Variants in MEOX2 observed in about 807,000 individuals in gnomAD.
The protein encoded by MEOX2 is homeobox protein MOX-2.
In MEOX2, 11 loss-of-function variants were observed where a neutral mutation model predicts 27.0. The ratio of observed to expected loss-of-function variants is 0.41; its 90% CI spans 0.26 to 0.68. MEOX2 has a LOEUF of 0.68. MEOX2 is among the 30% of genes least tolerant of loss of function. The pLI, the probability that MEOX2 is intolerant of heterozygous loss-of-function variation, is 0.33. For synonymous variants in MEOX2, 189 were observed against 155.4 expected, an observed-to-expected ratio of 1.22 and a Z score of -1.61; for missense variants, 436 against 385.4, an observed-to-expected ratio of 1.13 and a Z score of -1.10.
At chr7:15,651,929 A>G (rs1007874057) in intron 1 of MEOX2, among the ~76,000 whole-genome samples, 5 of 152,030 alleles carry the variant, frequency 3.3e-5, no homozygotes, top group Non-Finnish European at 7.4e-5. Flanking sequence ...CACTTCCCCA[A>G]CATAAGACAA....
chr7:15,632,968 G>C (rs1377501705), intron 1 of MEOX2, among the ~76,000 whole-genome samples: 1 of 151,916 alleles, frequency 6.6e-6, no homozygotes, highest in East Asian at 1.9e-4. Context: ...TGGGACTAAA[G>C]GCCCTAATTA....
At chr7:15,659,758 C>CAAAAAAAA (rs58319551) in intron 1 of MEOX2, among the ~76,000 whole-genome samples, 13 of 54,130 alleles carry the variant, frequency 2.4e-4, no homozygotes, top group South Asian at 8.1e-4. Flanking sequence ...AGACTGCTCT[C>CAAAAAAAA]AAAAAAAAAA....
At chr7:15,640,332 G>A (rs1250639282) in intron 1 of MEOX2, among the ~76,000 whole-genome samples, 1 of 151,646 alleles carries the variant, frequency 6.6e-6, no homozygotes, top group Non-Finnish European at 1.5e-5. Context: ...CTGAGATTGA[G>A]CACTGTTGTT....
At chr7:15,636,408 C>G (rs1258567316) in intron 1 of MEOX2, among the ~76,000 whole-genome samples, 1 of 151,860 alleles carries the variant, frequency 6.6e-6, no homozygotes, top group Non-Finnish European at 1.5e-5. Context: ...TGAAATAAAA[C>G]TTATTATAAA....
At chr7:15,649,153 A>C (rs1781694429) in intron 1 of MEOX2, among the ~76,000 whole-genome samples, 1 of 152,100 alleles carries the variant, frequency 6.6e-6, no homozygotes, top group Admixed American at 6.6e-5. Context: ...TAATTTCCAT[A>C]TCTTAAACAT....
chr7:15,678,818 C>T (rs537441696), intron 1 of MEOX2: 9 of 152,336 alleles, frequency 5.9e-5, no homozygotes, highest in African/African-American at 2.2e-4. Flanking sequence ...CTGGACCCTC[C>T]TCTAGGTTTT....
intron 1 of MEOX2, among the ~76,000 whole-genome samples, chr7:15,673,688 G>A (rs1030732525): frequency 1.3e-5 from 2 of 150,104 alleles, no homozygotes; most frequent in Admixed American, 6.6e-5. Context: ...AGGTTGTACC[G>A]ATTAAGATGA....
chr7:15,627,830 A>ACACACACACACACACACACACACACCG (rs1781340421), intron 1 of MEOX2, among the ~76,000 whole-genome samples: 4 of 24,152 alleles, frequency 1.7e-4, no homozygotes, highest in African/African-American at 7.4e-4. Context: ...CACACACGTC[A>ACACACACACACACACACACACACACCG]AGTAAAAAGT....
chr7:15,674,302 A>G (rs1254673170), intron 1 of MEOX2, among the ~76,000 whole-genome samples: 2 of 152,180 alleles, frequency 1.3e-5, no homozygotes, highest in African/African-American at 4.8e-5. Flanking sequence ...GACAAGAGAT[A>G]AAGATGTTCA....
chr7:15,676,856 T>C (rs1202019651), intron 1 of MEOX2, among the ~76,000 whole-genome samples: 1 of 145,058 alleles, frequency 6.9e-6, no homozygotes, highest in Non-Finnish European at 1.5e-5. Context: ...AAACTCGGTC[T>C]CAAAAAAAAA....
At chr7:15,648,799 T>C (rs1403401592) in intron 1 of MEOX2, among the ~76,000 whole-genome samples, 1 of 152,060 alleles carries the variant, frequency 6.6e-6, no homozygotes, top group Non-Finnish European at 1.5e-5. Context: ...GTTTAGAACC[T>C]TGTAACATAA....
chr7:15,646,296 T>C (rs1352033181), intron 1 of MEOX2, among the ~76,000 whole-genome samples: 2 of 152,056 alleles, frequency 1.3e-5, no homozygotes, highest in Admixed American at 1.3e-4. Context: ...GGAAACTTCC[T>C]ATAGCACTTA....
At chr7:15,642,581 C>T (rs1433239769) in intron 1 of MEOX2, among the ~76,000 whole-genome samples, 1 of 152,230 alleles carries the variant, frequency 6.6e-6, no homozygotes, top group African/African-American at 2.4e-5. Context: ...TGCTTACAAT[C>T]CATATTTTGA....
intron 1 of MEOX2, among the ~76,000 whole-genome samples, chr7:15,641,557 T>G (rs1781560576): frequency 6.6e-6 from 1 of 152,172 alleles, no homozygotes; most frequent in Non-Finnish European, 1.5e-5. Flanking sequence ...GATCTTGTTT[T>G]TTACATCCAG....
intron 2 of MEOX2, among the ~76,000 whole-genome samples, chr7:15,617,847 T>C (rs1033326162): frequency 1.3e-5 from 2 of 152,126 alleles, no homozygotes; most frequent in African/African-American, 4.8e-5. Flanking sequence ...TGGATCAGGC[T>C]CATTAATGTA....
At chr7:15,659,703 T>A (rs1024520864) in intron 1 of MEOX2, among the ~76,000 whole-genome samples, 1 of 135,678 alleles carries the variant, frequency 7.4e-6, no homozygotes, top group Non-Finnish European at 1.5e-5. Context: ...GAGGTTGTAG[T>A]GAGCCGAGAT....
rs1050290 is a variant in MEOX2 at position 15,686,441 on chromosome 7, G to A, written c.-39C>T. The A allele has an allele frequency of 0.64, 976,269 of 1,531,336 alleles. 315,225 individuals carry two copies. The highest frequency in any genetic ancestry group is 0.82 in the African/African-American group (59,616 of 72,340). 94.9% of individuals were successfully genotyped at this position (1,531,336 alleles called of 1,614,324 possible). ...CGGGTTCCAGGCAGAAGACTTCACG[G>A]CGGTTCCAAAGGCCACCACCCTCTG... is the stretch of plus-strand genomic sequence containing the variant. On this transcript the variant is annotated 5_prime_UTR_variant, in exon 1 of 3. Coordinates refer to ENST00000262041, the MANE Select transcript of MEOX2 (RefSeq NM_005924.5).
intron 1 of MEOX2, among the ~76,000 whole-genome samples, chr7:15,646,882 C>G (rs906806397): frequency 1.3e-5 from 2 of 151,888 alleles, no homozygotes; most frequent in African/African-American, 4.8e-5. Flanking sequence ...ATCTTCAAGA[C>G]ACTATATTGG....
chr7:15,635,485 A>T (rs1407775075), intron 1 of MEOX2, among the ~76,000 whole-genome samples: 1 of 152,024 alleles, frequency 6.6e-6, no homozygotes. Context: ...CCCTGTGCTC[A>T]TCTTTAACAC....
Sources: allele counts gnomAD v4.1 joint callset (sites outside exome capture counted in the v4.1 genomes callset), GRCh38; gene constraint gnomAD v4.1.1; transcripts MANE v1.5; gene names NCBI Gene and HGNC (gene_info 2026-07-23, HGNC 2026-07-21).